Variants in NELL2 observed in about 807,000 individuals in gnomAD.
NELL2 encodes neural EGFL like 2.
NELL2 carries 41 observed loss-of-function variants against 109.6 expected under a neutral mutation model. That is an observed-to-expected ratio of 0.37 (90% CI 0.29 to 0.49). The LOEUF (loss-of-function observed/expected upper bound fraction) is 0.49, where lower values mean the gene tolerates loss of function less well. Among genes scored for constraint, NELL2 ranks in the 20% least tolerant of loss-of-function variants. The pLI is 0.98. For synonymous variants in NELL2, 355 were observed against 344.7 expected (o/e 1.03, Z -0.33); for missense variants, 900 against 1,008.3 (o/e 0.89, Z 1.45).
At chr12:44,876,427 T>A, upstream of NELL2, 1 of 1,279,158 alleles carries the variant, frequency 7.8e-7, no homozygotes, top group Non-Finnish European at 9.9e-7. Flanking sequence ...AGGCCGGCGC[T>A]CAGCGTCGGT....
At position 44,871,575 on chromosome 12, in the gene NELL2, A is replaced by T. The variant is rs575491366; in HGVS notation, c.184+3650T>A. Among the ~76,000 whole-genome samples the T allele has an allele frequency of 9.9e-5, 15 of 152,254 alleles. No homozygotes were observed. The South Asian group carries it at 3.1e-3, about 32-fold the overall frequency. On this transcript the variant is annotated intron_variant, in intron 2 of 19. Transcript: ENST00000429094. ...ATCTTGTTTCTAAGTGCATCTCTTAAACACTGTGTTATTCCACACTATTTG... is the reference window on the plus strand; with the variant it reads ...ATCTTGTTTCTAAGTGCATCTCTTATACACTGTGTTATTCCACACTATTTG...
At chr12:44,683,279 G>C (rs1340125877) in intron 12 of NELL2, among the ~76,000 whole-genome samples, 5 of 151,872 alleles carry the variant, frequency 3.3e-5, no homozygotes, top group Non-Finnish European at 5.9e-5. Flanking sequence ...TGTATCCTGA[G>C]ACTTTGCTGA....
chr12:44,798,946 C>CTTTTTTTTTT (rs1157006162), intron 3 of NELL2, among the ~76,000 whole-genome samples: 2 of 77,434 alleles, frequency 2.6e-5, no homozygotes, highest in Non-Finnish European at 2.3e-5. Context: ...ATGATTTCCA[C>CTTTTTTTTTT]TTTTTTTTTT....
intron 13 of NELL2, among the ~76,000 whole-genome samples, chr12:44,626,063 G>A (rs1051338838): frequency 8.6e-5 from 13 of 151,974 alleles, no homozygotes; most frequent in East Asian, 3.9e-4. Flanking sequence ...GTTTAAAAGC[G>A]CATGATTTAA....
chr12:44,546,480 T>C (rs1037436), intron 15 of NELL2, among the ~76,000 whole-genome samples: 74,615 of 151,954 alleles, frequency 0.49, 19,921 homozygotes, highest in East Asian at 0.69. Context: ...ACATAGATAA[T>C]TGAAGGGAAA....
chr12:44,808,863 GGATA>G lies in NELL2; in HGVS notation c.335+7119_335+7122del, dbSNP rs1453808913. Among the ~76,000 whole-genome samples the G allele has an allele frequency of 1.3e-5, 2 of 151,780 alleles. 1 individual carries two copies. Among genetic ancestry groups the G allele is most frequent in the Non-Finnish European group, 2.9e-5 (2 of 67,896 alleles). Reference sequence around the variant, plus strand: ...CCAGAATGTATAATTAATATTAAGAGGATAGAAAAATCTCATTTATTTCACCTGA... The same window carrying G: ...CCAGAATGTATAATTAATATTAAGAGGAAAAATCTCATTTATTTCACCTGA... On this transcript the variant is annotated intron_variant, in intron 3 of 19. Transcript: ENST00000429094.
chr12:44,660,043 G>A lies in NELL2; in HGVS notation c.1444+5441C>T, dbSNP rs924987536. Among the ~76,000 whole-genome samples the A allele has an allele frequency of 1.1e-4, 17 of 152,114 alleles. 1 individual carries two copies. The highest frequency in any genetic ancestry group is 6.2e-4 in the South Asian group (3 of 4,824). The stretch of plus-strand genomic sequence containing the variant: ...ATTCACCTAGGTTAAGCTAAAATCC[G>A]GGTTTTGATAGAAGAAAGGAGACAG... On this transcript the variant is annotated intron_variant, in intron 13 of 19. Coordinates refer to ENST00000429094, the MANE Select transcript of NELL2 (RefSeq NM_001145108.2).
At chr12:44,715,874 G>A (rs1274064083) in intron 9 of NELL2, among the ~76,000 whole-genome samples, 1 of 152,022 alleles carries the variant, frequency 6.6e-6, no homozygotes, top group African/African-American at 2.4e-5. Flanking sequence ...TCACTCTTTG[G>A]AATTTATATA....
chr12:44,640,452 T>C (rs1946811628), intron 13 of NELL2, among the ~76,000 whole-genome samples: 1 of 152,224 alleles, frequency 6.6e-6, no homozygotes, highest in African/African-American at 2.4e-5. Context: ...CCTCCTTGAA[T>C]TTCTATAAGC....
Position 44,842,085 on chromosome 12 carries a change from A to AAGGG in NELL2, c.185-25953_185-25950dup, listed in dbSNP as rs1231771942. Among the ~76,000 whole-genome samples the AAGGG allele has an allele frequency of 1.4e-3, 94 of 67,614 alleles. 4 individuals carry two copies. The highest frequency in any genetic ancestry group is 5.2e-3 in the African/African-American group (80 of 15,310). The allele number at this position is 67,614 out of a possible 152,430, so 44.4% of individuals were successfully genotyped here. A position where few individuals can be genotyped will look rare whatever the true frequency, so the allele number is the denominator to read the frequency against. On this transcript the variant is annotated intron_variant, in intron 2 of 19. Transcript: ENST00000429094. ...GAAAGAAGAAAGCAAGTAAGGACGG[A>AAGGG]AGGGAGGGAGGGAGGGAGGGAGGGA... is the stretch of plus-strand genomic sequence containing the variant.
intron 9 of NELL2, among the ~76,000 whole-genome samples, chr12:44,729,985 C>T (rs1373186626): frequency 6.6e-6 from 1 of 152,008 alleles, no homozygotes; most frequent in Non-Finnish European, 1.5e-5. Flanking sequence ...AGGGTTTCAC[C>T]ATGTTGGCCA....
At chr12:44,537,831 T>C (rs563288641) in intron 15 of NELL2, among the ~76,000 whole-genome samples, 59 of 152,276 alleles carry the variant, frequency 3.9e-4, no homozygotes, top group Non-Finnish European at 7.8e-4. Context: ...CTATGTAAGA[T>C]TTGGGTATAA....
chr12:44,681,650 G>C lies in NELL2; in HGVS notation c.1319-16041C>G, dbSNP rs566320518. On this transcript the variant is annotated intron_variant, in intron 12 of 19. Transcript: ENST00000429094. ...TTCTCACTGTTCAACTCCCACCTAT[G>C]GGTGAGAATATGCGGTGTTTGGTTT... 3.9e-5 allele frequency among the ~76,000 whole-genome samples: 6 copies of C among 151,998 alleles called. No individual in the cohort carries two copies. In the East Asian group the frequency reaches 1.2e-3, roughly 30 times the overall value.
At chr12:44,808,582 T>C (rs1230110327) in intron 3 of NELL2, among the ~76,000 whole-genome samples, 1 of 152,018 alleles carries the variant, frequency 6.6e-6, no homozygotes, top group East Asian at 1.9e-4. Context: ...AATCCTATTA[T>C]CTTTAAAGTT....
At chr12:44,895,246 A>G (rs2710467) in intron 1 of NELL2, among the ~76,000 whole-genome samples, 3,683 of 152,282 alleles carry the variant, frequency 0.024, 159 homozygotes, top group African/African-American at 0.084. Context: ...GTGAGTGAGC[A>G]TCAGCTCTGG....
At chr12:44,895,072 T>C (rs2136873856) in intron 1 of NELL2, among the ~76,000 whole-genome samples, 1 of 152,304 alleles carries the variant, frequency 6.6e-6, no homozygotes, top group African/African-American at 2.4e-5. Flanking sequence ...TTAACACATT[T>C]GATTAGTTGG....
chr12:44,530,036 T>C (rs921153465), intron 16 of NELL2, among the ~76,000 whole-genome samples: 10 of 152,000 alleles, frequency 6.6e-5, no homozygotes, highest in Admixed American at 3.9e-4. Flanking sequence ...GAAGAGAAAA[T>C]TAATATTATA....
At chr12:44,912,696 T>C (rs548813635) in intron 1 of NELL2, among the ~76,000 whole-genome samples, 1 of 152,274 alleles carries the variant, frequency 6.6e-6, no homozygotes, top group South Asian at 2.1e-4. Context: ...TAATAGTGCA[T>C]AAAAGTCCAC....
At chr12:44,765,248 T>C (rs556193837) in intron 9 of NELL2, among the ~76,000 whole-genome samples, 1 of 152,234 alleles carries the variant, frequency 6.6e-6, no homozygotes, top group Non-Finnish European at 1.5e-5. Context: ...GACTTCAAAT[T>C]ATCTTTCCTG....
Sources: allele counts gnomAD v4.1 joint callset (sites outside exome capture counted in the v4.1 genomes callset), GRCh38; gene constraint gnomAD v4.1.1; transcripts MANE v1.5; gene names NCBI Gene and HGNC (gene_info 2026-07-23, HGNC 2026-07-21).